The following CYREN variants were observed in gnomAD, a reference collection of about 807,000 sequenced individuals.
The protein encoded by CYREN is cell cycle regulator of non-homologous end joining.
In CYREN, 7 loss-of-function variants were observed where a neutral mutation model predicts 9.7. The observed-to-expected ratio is 0.72, with a 90% CI of 0.41 to 1.36. CYREN has a LOEUF of 1.36. CYREN is among the 40% of genes most tolerant of loss of function. The pLI, the probability that CYREN is intolerant of heterozygous loss-of-function variation, is 0.01. For missense variants in CYREN, 215 were observed against 198.1 expected, an observed-to-expected ratio of 1.09 and a Z score of -0.51; for synonymous variants, 76 against 77.9, an observed-to-expected ratio of 0.98 and a Z score of 0.13.
Position 135,168,795 on chromosome 7 carries a change from G to C in CYREN, c.128C>G (p.Ala43Gly). Residue 43 changes from alanine (A) to glycine (G), a missense_variant, in exon 2 of 4, where the codon GCA becomes GGA. Coordinates refer to ENST00000393114, the MANE Select transcript of CYREN (RefSeq NM_024033.4). ...KRMRMAAVPV[A>G]AARLPATRTV... The stretch of plus-strand genomic sequence containing the variant: ...ACCAGAGCTGTCGCACCTTGCTGCT[G>C]CCACTGGCACTGCTGCCATTCTCAT... 4 of 1,613,984 alleles carry C rather than the reference G, an allele frequency of 2.5e-6. No individual in the cohort carries two copies. The highest frequency in any genetic ancestry group is 3.4e-6 in the Non-Finnish European group (4 of 1,179,936).
chr7:135,113,180 T>G (rs1825877302), intron 2 of CYREN, among the ~76,000 whole-genome samples: 1 of 152,226 alleles, frequency 6.6e-6, no homozygotes, highest in African/African-American at 2.4e-5. Flanking sequence ...TAATCATACA[T>G]TATCTTTCAG....
chr7:135,150,067 T>A (rs1165411584), intron 2 of CYREN, among the ~76,000 whole-genome samples: 1 of 152,234 alleles, frequency 6.6e-6, no homozygotes, highest in Non-Finnish European at 1.5e-5. Context: ...ATAAATCAAA[T>A]ATATCCTTTT....
At chr7:135,109,263 C>T (rs10227500) in intron 2 of CYREN, among the ~76,000 whole-genome samples, 73,508 of 152,040 alleles carry the variant, frequency 0.48, 18,142 homozygotes, top group South Asian at 0.66. Flanking sequence ...CTTGGGCCAT[C>T]GAACTGCCAG....
At chr7:135,134,838 T>C (rs1226036940) in intron 2 of CYREN, 3 of 1,548,290 alleles carry the variant, frequency 1.9e-6, no homozygotes, top group Non-Finnish European at 2.6e-6. Flanking sequence ...ATTTCTTTTC[T>C]AGACTAAATC....
intron 2 of CYREN, among the ~76,000 whole-genome samples, chr7:135,129,919 A>G (rs538726484): frequency 1.3e-5 from 2 of 152,322 alleles, no homozygotes; most frequent in Admixed American, 6.5e-5. Context: ...CAGAAAATGA[A>G]ACTACAGAAT....
At chr7:135,165,013 T>G (rs1186996165), downstream of CYREN, 4 of 1,560,426 alleles carry the variant, frequency 2.6e-6, no homozygotes, top group Non-Finnish European at 3.5e-6. Flanking sequence ...CTTACGTGAT[T>G]GCAAGGGTTC....
At chr7:135,098,463 G>A (rs1412565876) in intron 2 of CYREN, among the ~76,000 whole-genome samples, 1 of 152,190 alleles carries the variant, frequency 6.6e-6, no homozygotes, top group South Asian at 2.1e-4. Context: ...TGGTACAGAT[G>A]CATTTTTTTC....
At chr7:135,157,063 CCT>C (rs1039641130) in intron 2 of CYREN, among the ~76,000 whole-genome samples, 4 of 152,226 alleles carry the variant, frequency 2.6e-5, no homozygotes, top group Admixed American at 6.5e-5. Context: ...TCCAATTAAA[CCT>C]CTTTTTCTTC....
chr7:135,106,742 A>C lies in CYREN; in HGVS notation n.357-12160T>G, dbSNP rs1433523434. ...GCTGGCTTCATAGAATGAGTTGGGG[A>C]GGAGTCCCTCCTCCTCAGCTTTTTG... On this transcript the variant is annotated intron_variant and non_coding_transcript_variant, in intron 2 of 2. Transcript: ENST00000459937. Among the ~76,000 whole-genome samples, 3 of 152,146 alleles carry C rather than the reference A, an allele frequency of 2.0e-5. No individual in the cohort carries two copies. The South Asian group carries it at 6.2e-4, about 32-fold the overall frequency.
intron 2 of CYREN, chr7:135,148,030 C>A (rs144451664): frequency 2.1e-4 from 95 of 455,984 alleles, no homozygotes; most frequent in African/African-American, 1.8e-3. Context: ...AAAGTGAAAT[C>A]AGCTGATAGT....
intron 2 of CYREN, among the ~76,000 whole-genome samples, chr7:135,102,603 A>T (rs201130519): frequency 2.5e-5 from 1 of 40,758 alleles, no homozygotes; most frequent in Non-Finnish European, 6.4e-5. Context: ...AGTATGAGAG[A>T]ACTTTGGTCC....
chr7:135,104,122 A>G (rs566844170), intron 2 of CYREN, among the ~76,000 whole-genome samples: 5 of 151,740 alleles, frequency 3.3e-5, no homozygotes, highest in Admixed American at 6.6e-5. Flanking sequence ...TTGTGTCCCT[A>G]TGTTCTCATA....
At chr7:135,171,154 G>A (rs12532630), upstream of CYREN, among the ~76,000 whole-genome samples, 73,542 of 152,070 alleles carry the variant, frequency 0.48, 18,095 homozygotes, top group South Asian at 0.65. Flanking sequence ...ATAGAATAGC[G>A]TAAGTACTAA....
intron 2 of CYREN, among the ~76,000 whole-genome samples, chr7:135,127,570 A>C (rs1828069641): frequency 6.6e-6 from 1 of 151,308 alleles, no homozygotes; most frequent in African/African-American, 2.4e-5. Context: ...AAAAAAACTC[A>C]ACATCACTGA....
chr7:135,110,444 G>A (rs1365438653), intron 2 of CYREN, among the ~76,000 whole-genome samples: 2 of 152,146 alleles, frequency 1.3e-5, no homozygotes, highest in African/African-American at 4.8e-5. Context: ...AAGACTCCAT[G>A]TATCAATAAC....
chr7:135,152,754 C>T (rs989910378), intron 2 of CYREN: 2 of 152,176 alleles, frequency 1.3e-5, no homozygotes, highest in African/African-American at 2.4e-5. Flanking sequence ...AAAAGAAAGG[C>T]CCTAGGAACC....
intron 2 of CYREN, among the ~76,000 whole-genome samples, chr7:135,102,824 T>C (rs1027564868): frequency 9.9e-5 from 15 of 152,046 alleles, no homozygotes; most frequent in African/African-American, 3.4e-4. Flanking sequence ...TAAAAACTTA[T>C]AGGAAAAAGC....
intron 2 of CYREN, among the ~76,000 whole-genome samples, chr7:135,137,146 G>C (rs769915714): frequency 6.6e-6 from 1 of 151,908 alleles, no homozygotes; most frequent in Admixed American, 6.6e-5. Flanking sequence ...TGAATATGCT[G>C]ACAGTTCTAA....
intron 2 of CYREN, among the ~76,000 whole-genome samples, chr7:135,116,086 A>C (rs990337687): frequency 6.6e-6 from 1 of 152,244 alleles, no homozygotes; most frequent in African/African-American, 2.4e-5. Context: ...AAGTAAAGAC[A>C]GTAATAAGCT....
Sources: allele counts gnomAD v4.1 joint callset (sites outside exome capture counted in the v4.1 genomes callset), GRCh38; gene constraint gnomAD v4.1.1; transcripts MANE v1.5; gene names NCBI Gene and HGNC (gene_info 2026-07-23, HGNC 2026-07-21).